Variants in INIP observed in about 807,000 individuals in gnomAD.
The protein encoded by INIP is INTS3 and NABP interacting protein.
INIP carries 9 observed loss-of-function variants against 14.0 expected under a neutral mutation model. The observed-to-expected ratio is 0.64, with a 90% CI of 0.39 to 1.12. INIP has a LOEUF of 1.12. INIP is among the 50% of genes most tolerant of loss of function. The pLI, the probability that INIP is intolerant of heterozygous loss-of-function variation, is 0.01. For synonymous variants in INIP, 37 were observed against 41.5 expected, an observed-to-expected ratio of 0.89 and a Z score of 0.41; for missense variants, 78 against 122.7, an observed-to-expected ratio of 0.64 and a Z score of 1.72.
In INIP at chr9:112,687,522, A is replaced by G; in HGVS notation, c.*16T>C. 2 of 1,521,048 alleles carry G rather than the reference A, an allele frequency of 1.3e-6. No homozygotes were observed. Among genetic ancestry groups the G allele is most frequent in the South Asian group, 1.1e-5 (1 of 88,398 alleles). 94.2% of individuals were successfully genotyped at this position (1,521,048 alleles called of 1,614,324 possible). On this transcript the variant is annotated 3_prime_UTR_variant, in exon 5 of 5. Transcript: ENST00000374242. ...TTTGATATTACAAAGTCACTTTTCC[A>G]TCGCAAATGTTTTCTTCATTCTGGG...
In INIP at chr9:112,694,158, T is replaced by G; in HGVS notation, c.101A>C (p.Gln34Pro). The change falls in exon 3 of 5, where the codon CAG becomes CCG. Residue 34 changes from glutamine (Q) to proline (P), a missense_variant. Coordinates refer to ENST00000374242, the MANE Select transcript of INIP (RefSeq NM_021218.3). ...KEKRKLLMQN[Q>P]SSTNHPGASI... ...AGCTCCAGGATGATTTGTTGAAGAC[T>G]GGTTCTGCATAAGTAGTTTTCTTTT... The G allele has an allele frequency of 6.2e-7, 1 of 1,608,792 alleles. No homozygotes were observed. The highest frequency in any genetic ancestry group is 1.1e-5 in the South Asian group (1 of 90,462).
At chr9:112,695,575 CT>C (rs1237098937) in intron 2 of INIP, among the ~76,000 whole-genome samples, 8 of 152,092 alleles carry the variant, frequency 5.3e-5, no homozygotes, top group Admixed American at 1.3e-4. Flanking sequence ...CATTAGCATA[CT>C]GTCTGTGGCC....
chr9:112,689,784 A>T (rs1260290563), intron 3 of INIP, among the ~76,000 whole-genome samples, 167 bp from the exon 4 acceptor site: 1 of 152,236 alleles, frequency 6.6e-6, no homozygotes, highest in Non-Finnish European at 1.5e-5. Flanking sequence ...TTTGTTGTGA[A>T]ATGGTTAAAT....
intron 2 of INIP, among the ~76,000 whole-genome samples, chr9:112,714,658 C>A (rs939630379): frequency 3.3e-5 from 5 of 151,888 alleles, no homozygotes; most frequent in Non-Finnish European, 7.4e-5. Flanking sequence ...TCAGAAGAGG[C>A]CATAAGGTGA....
At position 112,686,273 on chromosome 9, in the gene INIP, A is replaced by C. The variant is rs570594298; in HGVS notation, c.*1265T>G. 2 of 152,158 alleles carry C rather than the reference A, an allele frequency of 1.3e-5. No homozygotes were observed. The highest frequency in any genetic ancestry group is 3.8e-4 in the East Asian group (2 of 5,196). The allele number at this position is 152,158 out of a possible 1,614,324, so 9.4% of individuals were successfully genotyped here. On this transcript the variant is annotated 3_prime_UTR_variant, in exon 5 of 5. Transcript: ENST00000374242. ...GATCTACAAACCCATGCGTGTATAA[A>C]TATATCACGAAAATCTGTACAAGAT...
intron 2 of INIP, among the ~76,000 whole-genome samples, chr9:112,695,386 A>G (rs533377831): frequency 1.3e-3 from 200 of 152,160 alleles, no homozygotes; most frequent in Middle Eastern, 3.4e-3. Flanking sequence ...AAGGGTACCC[A>G]CATGAAGGAG....
At chr9:112,706,648 T>G (rs1838478032) in intron 2 of INIP, among the ~76,000 whole-genome samples, 1 of 152,232 alleles carries the variant, frequency 6.6e-6, no homozygotes, top group African/African-American at 2.4e-5. Flanking sequence ...TTATACTCAC[T>G]ACATGAGGGT....
At chr9:112,701,345 A>AT (rs1184749664) in intron 2 of INIP, among the ~76,000 whole-genome samples, 1 of 152,206 alleles carries the variant, frequency 6.6e-6, no homozygotes, top group Non-Finnish European at 1.5e-5. Flanking sequence ...AAGGAGAGTT[A>AT]TGTTGTTCTC....
chr9:112,692,008 AAAAAAAG>A (rs958644555), intron 3 of INIP, among the ~76,000 whole-genome samples: 1 of 151,974 alleles, frequency 6.6e-6, no homozygotes, highest in Non-Finnish European at 1.5e-5. Flanking sequence ...CCTGTCTCAA[AAAAAAAG>A]AAAAAAGAAA....
At chr9:112,688,733 C>T (rs1319475447) in intron 4 of INIP, among the ~76,000 whole-genome samples, 1 of 152,128 alleles carries the variant, frequency 6.6e-6, no homozygotes, top group Non-Finnish European at 1.5e-5. Flanking sequence ...GTCCCAGCTA[C>T]TTAGGAGCCT....
chr9:112,693,082 T>C (rs1372058513), intron 3 of INIP, among the ~76,000 whole-genome samples: 1 of 150,172 alleles, frequency 6.7e-6, no homozygotes, highest in Non-Finnish European at 1.5e-5. Context: ...GAAAATTAAA[T>C]ATTCTAGTTA....
At chr9:112,695,832 GAGAAGAAGGAGAAGAAGAAGGAGA>G (rs535004205) in intron 2 of INIP, among the ~76,000 whole-genome samples, 100 of 102,528 alleles carry the variant, frequency 9.8e-4, no homozygotes, top group African/African-American at 7.4e-4. Flanking sequence ...GAAGAAGAAG[GAGAAGAAGGAGAAGAAGAAGGAGA>G]AGAAGAAGGA....
intron 2 of INIP, among the ~76,000 whole-genome samples, chr9:112,698,325 A>G (rs999395686): frequency 2.6e-5 from 4 of 151,220 alleles, no homozygotes; most frequent in African/African-American, 7.3e-5. Flanking sequence ...AAAAAAAAAA[A>G]AAAGAAATGA....
At chr9:112,714,681 C>T (rs1458311536) in intron 2 of INIP, among the ~76,000 whole-genome samples, 1 of 152,062 alleles carries the variant, frequency 6.6e-6, no homozygotes, top group Non-Finnish European at 1.5e-5. Flanking sequence ...AATGTGAATA[C>T]AATTTCAATG....
At chr9:112,705,963 G>A (rs1011514379) in intron 2 of INIP, among the ~76,000 whole-genome samples, 8 of 152,134 alleles carry the variant, frequency 5.3e-5, no homozygotes, top group Non-Finnish European at 7.4e-5. Context: ...GTCTTGGCAC[G>A]GTTACGAACA....
At chr9:112,702,289 T>C (rs1838323217) in intron 2 of INIP, among the ~76,000 whole-genome samples, 1 of 152,160 alleles carries the variant, frequency 6.6e-6, no homozygotes, top group Admixed American at 6.5e-5. Flanking sequence ...TTATATGAAG[T>C]ACAGCCAACA....
intron 3 of INIP, among the ~76,000 whole-genome samples, chr9:112,691,483 A>G (rs1837881924): frequency 6.6e-6 from 1 of 152,156 alleles, no homozygotes; most frequent in Non-Finnish European, 1.5e-5. Flanking sequence ...AGAAGAAAGG[A>G]CAGACTAGAG....
intron 2 of INIP, among the ~76,000 whole-genome samples, chr9:112,701,263 G>A (rs1006570786): frequency 7.2e-5 from 11 of 152,188 alleles, no homozygotes; most frequent in African/African-American, 2.7e-4. Flanking sequence ...AGCCAAGATC[G>A]TGCCACTGCA....
In INIP at chr9:112,694,235, T is replaced by TAA; in HGVS notation, c.26-4_26-3dup. Reference sequence around the variant, plus strand: ...CAACTCTATTTTTGTTTTGAAAACCTAAAAAAAAGAGGGGAATAGGAGAAA... The same window carrying TAA: ...CAACTCTATTTTTGTTTTGAAAACCTAAAAAAAAAAGAGGGGAATAGGAGAAA... On this transcript the variant is annotated splice_polypyrimidine_tract_variant and splice_region_variant and intron_variant, in intron 2 of 4. Coordinates refer to ENST00000374242, the MANE Select transcript of INIP (RefSeq NM_021218.3). 2 of 1,555,382 alleles carry TAA rather than the reference T, an allele frequency of 1.3e-6. No homozygotes were observed. Among genetic ancestry groups the TAA allele is most frequent in the Non-Finnish European group, 1.8e-6 (2 of 1,134,702 alleles).
Sources: allele counts gnomAD v4.1 joint callset (sites outside exome capture counted in the v4.1 genomes callset), GRCh38; gene constraint gnomAD v4.1.1; transcripts MANE v1.5; gene names NCBI Gene and HGNC (gene_info 2026-07-23, HGNC 2026-07-21).